The following LARP6 variants were observed in gnomAD, a reference collection of about 807,000 sequenced individuals.
LARP6 encodes the protein La ribonucleoprotein 6, translational regulator, also known as la-related protein 6.
Under a neutral mutation model 32.8 loss-of-function variants are expected in LARP6, and 18 were observed. That is an observed-to-expected ratio of 0.55 (90% CI 0.38 to 0.81). The LOEUF (loss-of-function observed/expected upper bound fraction) is 0.81, where lower values mean the gene tolerates loss of function less well. Ranked by LOEUF, LARP6 falls within the 40% of genes least tolerant of loss-of-function variation. The pLI, the probability that LARP6 is intolerant of heterozygous loss-of-function variation, is 0.00. For synonymous variants in LARP6, 289 were observed against 267.2 expected, an observed-to-expected ratio of 1.08 and a Z score of -0.80; for missense variants, 598 against 663.1, an observed-to-expected ratio of 0.90 and a Z score of 1.08.
chr15:70,832,279 T>C lies in LARP6; in HGVS notation c.1249A>G (p.Met417Val). 6.2e-7 allele frequency: 1 copy of C among 1,614,164 alleles called. No homozygotes were observed. The highest frequency in any genetic ancestry group is 8.5e-7 in the Non-Finnish European group (1 of 1,180,020). The change falls in exon 3 of 3, where the codon ATG becomes GTG. Residue 417 changes from methionine to valine, a missense_variant. Physicochemically the swap from Met to Val is conservative, Grantham distance 21. Coordinates refer to ENST00000299213, the MANE Select transcript of LARP6 (RefSeq NM_018357.4). ...ACGCTGCTGTCAGAGGAATAATCCA[T>C]ACACTTGCGGAAGATCTCAGGGCTG... is the stretch of plus-strand genomic sequence containing the variant. ...STSPEIFRKCMDYSSDSSVTP... is the reference protein window; with the variant it reads ...STSPEIFRKCVDYSSDSSVTP...
At chr15:70,851,626 C>A in intron 1 of LARP6, 1 of 1,611,378 alleles carries the variant, frequency 6.2e-7, no homozygotes, top group South Asian at 1.1e-5. Context: ...CGCATTCAGT[C>A]AACAAACATG....
At chr15:70,837,622 G>A (rs945669203) in intron 1 of LARP6, among the ~76,000 whole-genome samples, 3 of 152,178 alleles carry the variant, frequency 2.0e-5, no homozygotes, top group Middle Eastern at 3.2e-3. Flanking sequence ...AAGATCTGGA[G>A]TGCAGTGGTG....
rs755782417 is a variant in LARP6, at chr15:70,832,932, G to A, written c.596C>T (p.Ala199Val). 1 of 1,603,234 alleles carries A rather than the reference G, an allele frequency of 6.2e-7. No individual in the cohort carries two copies. The highest frequency in any genetic ancestry group is 1.1e-5 in the South Asian group (1 of 89,272). The change falls in exon 3 of 3, where the codon GCT becomes GTT. Residue 199 changes from alanine to valine, a missense_variant. Around this residue, in one of 3 missense-constraint regions of LARP6, gnomAD observed 368 missense variants for 397.9 expected, o/e 0.92. Transcript: ENST00000299213. The part of the protein sequence containing the change: ...YDLYLSPKLW[A>V]LATPQKNGRV... ...TCCATTCTTCTGGGGGGTGGCCAGA[G>A]CCCACAGCTTAGGAGACAAGTAGAG...
intron 1 of LARP6, chr15:70,851,662 G>C: frequency 6.2e-7 from 1 of 1,614,094 alleles, no homozygotes; most frequent in Non-Finnish European, 8.5e-7. Flanking sequence ...GCTGTGCTAG[G>C]TGCTGAAGAT....
At chr15:70,837,892 T>C (rs1348943046) in intron 1 of LARP6, among the ~76,000 whole-genome samples, 1 of 152,218 alleles carries the variant, frequency 6.6e-6, no homozygotes, top group African/African-American at 2.4e-5. Context: ...GTGTTTCAGA[T>C]TTCCAATTTT....
chr15:70,837,400 A>ATT (rs2032167605), intron 1 of LARP6, among the ~76,000 whole-genome samples: 2 of 151,704 alleles, frequency 1.3e-5, no homozygotes, highest in African/African-American at 4.8e-5. Context: ...TAATAATAAT[A>ATT]ATTATTATAA....
chr15:70,840,851 G>T (rs368007752), intron 1 of LARP6, among the ~76,000 whole-genome samples: 1 of 151,500 alleles, frequency 6.6e-6, no homozygotes, highest in Non-Finnish European at 1.5e-5. Context: ...TATTACAAAA[G>T]GTAAACTCAT....
intron 2 of LARP6, among the ~76,000 whole-genome samples, chr15:70,834,065 G>A (rs776897618): frequency 2.0e-5 from 3 of 152,182 alleles, no homozygotes; most frequent in Admixed American, 1.3e-4. Context: ...ACCTGAGCCC[G>A]TAATGGCGAG....
Position 70,836,358 on chromosome 15 carries a change from T to A in LARP6, c.348A>T (p.Leu116=). 1 of 1,614,202 alleles carries A rather than the reference T, an allele frequency of 6.2e-7. No individual in the cohort carries two copies. Among genetic ancestry groups the A allele is most frequent in the Non-Finnish European group, 8.5e-7 (1 of 1,180,038 alleles). Reference sequence around the variant, plus strand: ...CCAGCTTGTTCCTCCTCACGTGTTTTAGCAAAAAGGCGTCCTTCTCCAGGT... The same window carrying A: ...CCAGCTTGTTCCTCCTCACGTGTTTAAGCAAAAAGGCGTCCTTCTCCAGGT... ...DENLEKDAFL[L]KHVRRNKLGY... The change falls in exon 2 of 3, where the codon CTA becomes CTT. Residue 116 remains leucine (L), a synonymous_variant. Transcript: ENST00000299213.
chr15:70,837,384 AAATAAT>A (rs200914214), intron 1 of LARP6, among the ~76,000 whole-genome samples: 6 of 152,148 alleles, frequency 3.9e-5, no homozygotes, highest in Admixed American at 6.5e-5. Flanking sequence ...CCCTGTCTCA[AAATAAT>A]AATAATAATA....
At chr15:70,851,545 G>A (rs776811724) in intron 1 of LARP6, 31 of 1,530,780 alleles carry the variant, frequency 2.0e-5, no homozygotes, top group Non-Finnish European at 2.7e-5. Flanking sequence ...CTGCCTTCAA[G>A]GATCTCACTG....
rs1397793407 is a variant in LARP6, at chr15:70,832,109, C to T, written c.1419G>A (p.Arg473=). Residue 473 remains arginine, a synonymous_variant, in exon 3 of 3, where the codon AGG becomes AGA. Coordinates refer to ENST00000299213, the MANE Select transcript of LARP6 (RefSeq NM_018357.4). ...GLPVGVLRLP[R]GPDNTRGFHG... is the part of the protein sequence containing the mutation. ...GAAATCCTCTGGTGTTGTCAGGACC[C>T]CTGGGCAACCTCAGCACCCCTACGG... 6.3e-7 allele frequency: 1 copy of T among 1,581,846 alleles called. No individual in the cohort carries two copies. Among genetic ancestry groups the T allele is most frequent in the African/African-American group, 1.4e-5 (1 of 74,018 alleles).
intron 1 of LARP6, chr15:70,851,396 T>C: frequency 9.2e-7 from 1 of 1,090,668 alleles, no homozygotes; most frequent in East Asian, 3.9e-5. Flanking sequence ...ATCTTTTTAA[T>C]GAAGGAGATG....
chr15:70,837,636 T>C (rs1041396552), intron 1 of LARP6, among the ~76,000 whole-genome samples: 1 of 152,200 alleles, frequency 6.6e-6, no homozygotes, highest in Non-Finnish European at 1.5e-5. Context: ...AGTGGTGCGA[T>C]CTCCATGTGG....
chr15:70,836,284 C>T lies in LARP6; in HGVS notation c.411+11G>A. The T allele has an allele frequency of 6.2e-7, 1 of 1,612,466 alleles. No homozygotes were observed. Among genetic ancestry groups the T allele is most frequent in the Non-Finnish European group, 8.5e-7 (1 of 1,178,528 alleles). On this transcript the variant is annotated intron_variant, in intron 2 of 2. Transcript: ENST00000299213. ...AAATCCTTGAAGCAGCTTCTGAGAA[C>T]CAAGCCTCACCTTTTTGAAGGATGT...
Position 70,832,286 on chromosome 15 carries a change from G to C in LARP6, c.1242C>G (p.Arg414=). 6.2e-7 allele frequency: 1 copy of C among 1,614,234 alleles called. No individual in the cohort carries two copies. Among genetic ancestry groups the C allele is most frequent in the Non-Finnish European group, 8.5e-7 (1 of 1,180,034 alleles). Residue 414 remains arginine, a synonymous_variant, in exon 3 of 3, where the codon CGC becomes CGG. Transcript: ENST00000299213. ...LNCSTSPEIF[R]KCMDYSSDSS... The stretch of plus-strand genomic sequence containing the variant: ...TGTCAGAGGAATAATCCATACACTT[G>C]CGGAAGATCTCAGGGCTGGTGCTGC...
intron 2 of LARP6, 77 bp downstream of exon 2, chr15:70,836,218 G>GT (rs1300817514): frequency 4.0e-6 from 5 of 1,248,762 alleles, no homozygotes; most frequent in Non-Finnish European, 5.8e-6. Context: ...TTTCAAGGGA[G>GT]TTAAAAAAAA....
At chr15:70,851,217 T>A (rs2032442109) in intron 1 of LARP6, among the ~76,000 whole-genome samples, 1 of 152,170 alleles carries the variant, frequency 6.6e-6, no homozygotes. Context: ...AAAACATACC[T>A]CAAATGGTTC....
At chr15:70,836,651 T>C (rs2032154045) in intron 1 of LARP6, 146 bp from the exon 2 acceptor site, 3 of 667,022 alleles carry the variant, frequency 4.5e-6, no homozygotes, top group South Asian at 3.7e-5. Flanking sequence ...TTAATTAAGA[T>C]GAGGTCTTAC....
Sources: allele counts gnomAD v4.1 joint callset (sites outside exome capture counted in the v4.1 genomes callset), GRCh38; gene constraint gnomAD v4.1.1; regional missense constraint gnomAD v4.1.1; transcripts MANE v1.5; gene names NCBI Gene and HGNC (gene_info 2026-07-23, HGNC 2026-07-21).